SUCLG2: variants seen among roughly 807,000 people sequenced by gnomAD.
The protein encoded by SUCLG2 is succinate--CoA ligase [GDP-forming] subunit beta, mitochondrial.
In SUCLG2, 42 loss-of-function variants were observed where a neutral mutation model predicts 47.9. That is an observed-to-expected ratio of 0.88 (90% CI 0.69 to 1.14). SUCLG2 has a LOEUF of 1.14. Among genes scored for constraint, SUCLG2 ranks in the 50% most tolerant of loss-of-function variants. SUCLG2 has a pLI of 0.00. For synonymous variants in SUCLG2, 195 were observed against 197.3 expected (o/e 0.99, Z 0.10); for missense variants, 571 against 525.9 (o/e 1.09, Z -0.84).
At chr3:67,399,615 T>C (rs1198688877) in intron 10 of SUCLG2, among the ~76,000 whole-genome samples, 1 of 151,080 alleles carries the variant, frequency 6.6e-6, no homozygotes, top group Non-Finnish European at 1.5e-5. Context: ...TATTAACAAA[T>C]GTGATTTTTT....
rs563708783 is a variant in SUCLG2 at position 67,415,963 on chromosome 3, C to T, written c.1063-15112G>A. Among the ~76,000 whole-genome samples the T allele has an allele frequency of 3.3e-5, 5 of 152,202 alleles. No homozygotes were observed. The South Asian group carries it at 1.0e-3, about 32-fold the overall frequency. On this transcript the variant is annotated intron_variant, in intron 9 of 10. Transcript: ENST00000307227. ...GGATCACTCACTCTGGGCAAGCCAACTGCCAAGCCATAAGGACGGACACTC... is the reference window on the plus strand; with the variant it reads ...GGATCACTCACTCTGGGCAAGCCAATTGCCAAGCCATAAGGACGGACACTC...
chr3:67,506,626 G>T (rs1292716751), intron 7 of SUCLG2, among the ~76,000 whole-genome samples: 1 of 152,032 alleles, frequency 6.6e-6, no homozygotes, highest in African/African-American at 2.4e-5. Context: ...CTTCCCAAAG[G>T]GTTGAATAAA....
At chr3:67,389,060 C>G (rs569120569) in intron 10 of SUCLG2, among the ~76,000 whole-genome samples, 1 of 151,934 alleles carries the variant, frequency 6.6e-6, no homozygotes, top group Admixed American at 6.5e-5. Flanking sequence ...CAATATGTTA[C>G]GGCTAAAAGA....
intron 9 of SUCLG2, among the ~76,000 whole-genome samples, chr3:67,465,483 C>G (rs980509411): frequency 5.3e-5 from 8 of 152,216 alleles, no homozygotes; most frequent in African/African-American, 1.9e-4. Context: ...GAGAATCCCT[C>G]TCTGGCCACC....
At chr3:67,628,881 T>C (rs1700880187) in intron 1 of SUCLG2, among the ~76,000 whole-genome samples, 1 of 152,198 alleles carries the variant, frequency 6.6e-6, no homozygotes, top group Non-Finnish European at 1.5e-5. Flanking sequence ...TTGGGAATTA[T>C]ATATAGCAAG....
intron 1 of SUCLG2, among the ~76,000 whole-genome samples, chr3:67,627,500 A>G (rs1241684578): frequency 6.6e-6 from 1 of 152,242 alleles, no homozygotes; most frequent in African/African-American, 2.4e-5. Flanking sequence ...GGCCATTATC[A>G]GTGACGTGCC....
At chr3:67,559,492 C>G (rs1174166160) in intron 2 of SUCLG2, among the ~76,000 whole-genome samples, 1 of 152,078 alleles carries the variant, frequency 6.6e-6, no homozygotes, top group African/African-American at 2.4e-5. Context: ...CTTGTGAGAA[C>G]TCACTCACCA....
chr3:67,577,717 A>C lies in SUCLG2; in HGVS notation c.226+31738T>G, dbSNP rs555139930. Reference sequence around the variant, plus strand: ...CTCAAATAAGGGCAGGAATGGCAAGAAAGAAGGCAAGGAACTCTTCAGAGC... The same window carrying C: ...CTCAAATAAGGGCAGGAATGGCAAGCAAGAAGGCAAGGAACTCTTCAGAGC... On this transcript the variant is annotated intron_variant, in intron 2 of 10. Transcript: ENST00000307227. 9.2e-5 allele frequency among the ~76,000 whole-genome samples: 14 copies of C among 152,286 alleles called. No homozygotes were observed. The South Asian group carries it at 2.5e-3, about 27-fold the overall frequency.
Position 67,494,690 on chromosome 3 carries a change from C to T in SUCLG2, c.1062+1108G>A, listed in dbSNP as rs531303781. ...ATCAAATTGTTGTGGCATATACGTACTTCACAGGCCTGTTAAAAGAATGAA... is the reference window on the plus strand; with the variant it reads ...ATCAAATTGTTGTGGCATATACGTATTTCACAGGCCTGTTAAAAGAATGAA... On this transcript the variant is annotated intron_variant, in intron 9 of 10. Coordinates refer to ENST00000307227, the MANE Select transcript of SUCLG2 (RefSeq NM_003848.4). Among the ~76,000 whole-genome samples, 133 of 152,186 alleles carry T rather than the reference C, an allele frequency of 8.7e-4. 1 individual carries two copies. The highest frequency in any genetic ancestry group is 3.1e-3 in the African/African-American group (129 of 41,522).
chr3:67,642,035 C>T (rs58257624), intron 1 of SUCLG2, among the ~76,000 whole-genome samples: 7,530 of 152,254 alleles, frequency 0.049, 619 homozygotes, highest in African/African-American at 0.17. Flanking sequence ...CCCTAACGAC[C>T]TCATTTTAAC....
intron 9 of SUCLG2, among the ~76,000 whole-genome samples, chr3:67,470,143 A>G (rs1704569195): frequency 6.6e-6 from 1 of 152,182 alleles, no homozygotes; most frequent in Non-Finnish European, 1.5e-5. Context: ...CTATACATAA[A>G]TCTGATCTAA....
At chr3:67,397,308 A>G (rs1450105965) in intron 10 of SUCLG2, among the ~76,000 whole-genome samples, 26 of 152,250 alleles carry the variant, frequency 1.7e-4, no homozygotes, top group African/African-American at 6.3e-4. Flanking sequence ...TTAAGCTGAT[A>G]AGCAACTTCA....
intron 2 of SUCLG2, among the ~76,000 whole-genome samples, chr3:67,592,740 C>CAA (rs1187452813): frequency 3.3e-4 from 17 of 51,878 alleles, no homozygotes; most frequent in African/African-American, 1.1e-3. Flanking sequence ...AAAAAAACAA[C>CAA]AAAAAAAAAC....
chr3:67,612,006 GAA>G, intron 1 of SUCLG2, among the ~76,000 whole-genome samples: 1 of 152,244 alleles, frequency 6.6e-6, no homozygotes, highest in Middle Eastern at 3.4e-3. Flanking sequence ...CCAAAACTTG[GAA>G]AACTAGGGCC....
At chr3:67,481,859 T>C (rs1436538914) in intron 9 of SUCLG2, among the ~76,000 whole-genome samples, 2 of 152,198 alleles carry the variant, frequency 1.3e-5, no homozygotes, top group Non-Finnish European at 2.9e-5. Context: ...GATTAGCTCC[T>C]AACTTGACAC....
chr3:67,637,347 TC>T (rs1401550714), intron 1 of SUCLG2, among the ~76,000 whole-genome samples: 1 of 152,158 alleles, frequency 6.6e-6, no homozygotes, highest in Non-Finnish European at 1.5e-5. Context: ...AAACACTTAT[TC>T]AGAAGATTTC....
chr3:67,386,248 C>A (rs1702255832), intron 10 of SUCLG2, among the ~76,000 whole-genome samples: 1 of 146,198 alleles, frequency 6.8e-6, no homozygotes, highest in Admixed American at 7.0e-5. Context: ...GCCACCACGC[C>A]CGGCTAATTT....
At chr3:67,570,223 C>A (rs1707568855) in intron 2 of SUCLG2, among the ~76,000 whole-genome samples, 1 of 152,176 alleles carries the variant, frequency 6.6e-6, no homozygotes, top group African/African-American at 2.4e-5. Flanking sequence ...GAAAAATAAA[C>A]TTCTGTTATT....
At chr3:67,377,011 A>G (rs1482757218) in intron 10 of SUCLG2, among the ~76,000 whole-genome samples, 2 of 152,244 alleles carry the variant, frequency 1.3e-5, no homozygotes, top group African/African-American at 4.8e-5. Flanking sequence ...ACAGAGCACT[A>G]TCATCCTCGT....
Sources: gnomAD v4.1 joint callset for allele counts (sites outside exome capture counted in the v4.1 genomes callset) on GRCh38, gnomAD v4.1.1 for gene constraint, MANE v1.5 for transcripts, NCBI Gene and HGNC (gene_info 2026-07-23, HGNC 2026-07-21) for gene names.